The following DACH1 variants were observed in gnomAD, a reference collection of about 807,000 sequenced individuals.
DACH1 encodes the protein dachshund homolog 1.
A neutral mutation model predicts 54.2 loss-of-function variants in DACH1; 12 were observed. The ratio of observed to expected loss-of-function variants is 0.22; its 90% CI spans 0.14 to 0.36. DACH1 has a LOEUF of 0.36. Among genes scored for constraint, DACH1 ranks in the 10% least tolerant of loss-of-function variants. The probability of loss-of-function intolerance (pLI) is 1.00; values close to 1 mark genes in which losing one functional copy is unlikely to be tolerated. For synonymous variants in DACH1, 386 were observed against 366.2 expected, an observed-to-expected ratio of 1.05 and a Z score of -0.62; for missense variants, 805 against 929.8, an observed-to-expected ratio of 0.87 and a Z score of 1.75.
At chr13:71,747,702 T>C (rs1163187945) in intron 1 of DACH1, among the ~76,000 whole-genome samples, 1 of 152,208 alleles carries the variant, frequency 6.6e-6, no homozygotes, top group Non-Finnish European at 1.5e-5. Context: ...ATGTTTGTTT[T>C]AGATAAATTT....
chr13:71,772,288 A>G (rs997529633), intron 1 of DACH1, among the ~76,000 whole-genome samples: 8 of 151,780 alleles, frequency 5.3e-5, no homozygotes, highest in African/African-American at 1.9e-4. Flanking sequence ...GCCTAAAAGC[A>G]ACAAAATCAC....
chr13:71,581,761 G>T (rs1872870508), intron 3 of DACH1, among the ~76,000 whole-genome samples: 1 of 152,006 alleles, frequency 6.6e-6, no homozygotes, highest in African/African-American at 2.4e-5. Context: ...GATGATGATA[G>T]CATCTAGTAT....
At chr13:71,653,389 G>A (rs1038811895) in intron 2 of DACH1, among the ~76,000 whole-genome samples, 10 of 152,074 alleles carry the variant, frequency 6.6e-5, no homozygotes, top group Admixed American at 1.3e-4. Flanking sequence ...AAGTATGACC[G>A]TCAGTCAATT....
chr13:71,528,087 A>G (rs898385261), intron 6 of DACH1, among the ~76,000 whole-genome samples: 1 of 151,844 alleles, frequency 6.6e-6, no homozygotes, highest in Non-Finnish European at 1.5e-5. Context: ...GATAAAAATG[A>G]GAAAGAATAA....
At chr13:71,616,639 G>A (rs1875787628) in intron 3 of DACH1, among the ~76,000 whole-genome samples, 1 of 152,030 alleles carries the variant, frequency 6.6e-6, no homozygotes, top group African/African-American at 2.4e-5. Flanking sequence ...GGGAGGCTGA[G>A]GCAGGAGGAT....
intron 2 of DACH1, among the ~76,000 whole-genome samples, chr13:71,661,442 T>C (rs1879479196): frequency 1.3e-5 from 2 of 151,964 alleles, no homozygotes. Flanking sequence ...GAATAATTAA[T>C]GGAAGACTAT....
intron 1 of DACH1, among the ~76,000 whole-genome samples, chr13:71,760,919 T>G (rs1389392000): frequency 6.6e-6 from 1 of 152,194 alleles, no homozygotes; most frequent in African/African-American, 2.4e-5. Context: ...TATGGCATTT[T>G]GAATTCAGGA....
intron 1 of DACH1, among the ~76,000 whole-genome samples, chr13:71,847,949 T>C (rs1291607738): frequency 6.6e-6 from 1 of 152,178 alleles, no homozygotes; most frequent in Non-Finnish European, 1.5e-5. Flanking sequence ...AACGGGAGAC[T>C]ACAGAAAATA....
chr13:71,590,884 T>C lies in DACH1; in HGVS notation c.1127-17872A>G, dbSNP rs1365074086. On this transcript the variant is annotated intron_variant, in intron 3 of 10. Transcript: ENST00000613252. ...CTCTGTCTCTCTCTTTCTTTTTTTT[T>C]TTTTTTTTTTTTTTGAGATAGAGTC... Among the ~76,000 whole-genome samples the C allele has an allele frequency of 5.7e-5, 8 of 140,548 alleles. No homozygotes were observed. In the East Asian group the frequency reaches 1.6e-3, roughly 28 times the overall value. The allele number at this position is 140,548 out of a possible 152,430, so 92.2% of individuals were successfully genotyped here.
chr13:71,524,399 T>C (rs1196431427), intron 6 of DACH1, among the ~76,000 whole-genome samples: 4 of 152,154 alleles, frequency 2.6e-5, no homozygotes, highest in Admixed American at 6.6e-5. Flanking sequence ...CTAAAAAGAA[T>C]GATTCAATAT....
At chr13:71,824,940 G>A (rs1049066357) in intron 1 of DACH1, among the ~76,000 whole-genome samples, 2 of 151,704 alleles carry the variant, frequency 1.3e-5, no homozygotes, top group African/African-American at 4.8e-5. Flanking sequence ...TTTCATAATT[G>A]GAAAAAAACA....
intron 1 of DACH1, among the ~76,000 whole-genome samples, chr13:71,847,891 C>T (rs889212741): frequency 5.3e-5 from 8 of 152,060 alleles, no homozygotes; most frequent in African/African-American, 1.9e-4. Context: ...TGGACAGGCA[C>T]CAAGTTTTTG....
At chr13:71,807,419 C>CA (rs10688170) in intron 1 of DACH1, among the ~76,000 whole-genome samples, 39,572 of 99,368 alleles carry the variant, frequency 0.4, 8,654 homozygotes, top group East Asian at 0.89. Flanking sequence ...TCACAGATTG[C>CA]AAAAAAAAAA....
chr13:71,662,636 A>G (rs1011258627), intron 2 of DACH1, among the ~76,000 whole-genome samples: 1 of 152,032 alleles, frequency 6.6e-6, no homozygotes, highest in Non-Finnish European at 1.5e-5. Context: ...TCAGTCAGTG[A>G]TTGCCTTGAA....
intron 10 of DACH1, among the ~76,000 whole-genome samples, chr13:71,446,428 A>G (rs1277140480): frequency 6.6e-6 from 1 of 152,196 alleles, no homozygotes; most frequent in Non-Finnish European, 1.5e-5. Context: ...ACATTTTCTG[A>G]GCACCTGTGA....
At chr13:71,455,910 G>A (rs1245147058) in intron 10 of DACH1, among the ~76,000 whole-genome samples, 1 of 152,030 alleles carries the variant, frequency 6.6e-6, no homozygotes, top group African/African-American at 2.4e-5. Flanking sequence ...TTTGCAAATT[G>A]CTCATGAAAA....
chr13:71,480,504 C>T (rs1877936863), intron 7 of DACH1, among the ~76,000 whole-genome samples: 1 of 152,124 alleles, frequency 6.6e-6, no homozygotes, highest in Admixed American at 6.6e-5. Flanking sequence ...TGTTTTCTCT[C>T]CTAAGATACT....
chr13:71,840,801 AT>A (rs962112165), intron 1 of DACH1, among the ~76,000 whole-genome samples: 3 of 152,142 alleles, frequency 2.0e-5, no homozygotes, highest in Non-Finnish European at 4.4e-5. Context: ...TTTGATTTCA[AT>A]TTTTTTATAT....
At chr13:71,722,284 T>C (rs1883264249) in intron 1 of DACH1, among the ~76,000 whole-genome samples, 1 of 152,194 alleles carries the variant, frequency 6.6e-6, no homozygotes, top group Non-Finnish European at 1.5e-5. Flanking sequence ...TGAGATTTTC[T>C]ACCTTTTGAG....
Sources: allele counts gnomAD v4.1 joint callset (sites outside exome capture counted in the v4.1 genomes callset), GRCh38; gene constraint gnomAD v4.1.1; transcripts MANE v1.5; gene names NCBI Gene and HGNC (gene_info 2026-07-23, HGNC 2026-07-21).